SH3RF2: variants seen among roughly 807,000 people sequenced by gnomAD.
The protein encoded by SH3RF2 is SH3 domain containing ring finger 2.
Under a neutral mutation model 59.0 loss-of-function variants are expected in SH3RF2, and 43 were observed. The observed-to-expected ratio is 0.73, with a 90% confidence interval of 0.57 to 0.94. SH3RF2 has a LOEUF of 0.94. Among genes scored for constraint, SH3RF2 ranks in the 40% least tolerant of loss-of-function variants. SH3RF2 has a pLI of 0.00. For missense variants in SH3RF2, 930 were observed against 940.1 expected (o/e 0.99, Z 0.14); for synonymous variants, 391 against 391.5 (o/e 1.00, Z 0.01).
At chr5:146,049,631 T>G (rs1762424095) in intron 7 of SH3RF2, among the ~76,000 whole-genome samples, 1 of 152,026 alleles carries the variant, frequency 6.6e-6, no homozygotes, top group Admixed American at 6.6e-5. Context: ...TCTAGTGGCG[T>G]GATGGGAAAA....
At chr5:146,079,998 T>C (rs975514154) in exon 10 of SH3RF2, 1 of 152,228 alleles carries the variant, frequency 6.6e-6, no homozygotes, top group South Asian at 2.1e-4. Flanking sequence ...GAACTTTCCA[T>C]GAGGTATAGT....
intron 7 of SH3RF2, among the ~76,000 whole-genome samples, chr5:146,054,716 A>G (rs1309766803): frequency 1.3e-5 from 2 of 152,234 alleles, no homozygotes; most frequent in African/African-American, 4.8e-5. Context: ...TCTTCGTACA[A>G]TACTGGCTTG....
chr5:146,022,021 G>A (rs1006527852), intron 5 of SH3RF2, among the ~76,000 whole-genome samples: 13 of 152,160 alleles, frequency 8.5e-5, no homozygotes, highest in Admixed American at 3.3e-4. Flanking sequence ...TTGCTGGATT[G>A]CTCTTCAATC....
chr5:145,944,842 G>C (rs1043523205), intron 2 of SH3RF2, among the ~76,000 whole-genome samples: 1 of 152,148 alleles, frequency 6.6e-6, no homozygotes, highest in Non-Finnish European at 1.5e-5. Context: ...GAGTTCACAT[G>C]CTCAGTCATA....
chr5:146,046,767 C>T (rs1039275805), intron 5 of SH3RF2, among the ~76,000 whole-genome samples: 2 of 145,184 alleles, frequency 1.4e-5, no homozygotes, highest in Admixed American at 6.9e-5. Context: ...TTTACAGGAA[C>T]TTTTTTTTTT....
chr5:146,051,546 G>A (rs2150016645), intron 7 of SH3RF2, among the ~76,000 whole-genome samples: 1 of 152,278 alleles, frequency 6.6e-6, no homozygotes, highest in South Asian at 2.1e-4. Context: ...AAGATAAAAT[G>A]TCAGGTGTGA....
chr5:145,983,092 G>C (rs80156574), intron 2 of SH3RF2, among the ~76,000 whole-genome samples: 1,828 of 152,248 alleles, frequency 0.012, 38 homozygotes, highest in African/African-American at 0.041. Context: ...GTGTGAATTA[G>C]AGAGCTATGT....
At chr5:145,957,916 C>A (rs926572784) in intron 2 of SH3RF2, among the ~76,000 whole-genome samples, 6 of 152,056 alleles carry the variant, frequency 3.9e-5, no homozygotes, top group Non-Finnish European at 8.8e-5. Context: ...AGTTTGAGAC[C>A]AGCCTGGCCA....
At chr5:146,021,607 A>C (rs1034270369) in intron 5 of SH3RF2, among the ~76,000 whole-genome samples, 1 of 152,198 alleles carries the variant, frequency 6.6e-6, no homozygotes, top group African/African-American at 2.4e-5. Flanking sequence ...CCACTGGGTA[A>C]ATATAACCCC....
At chr5:145,939,144 T>C (rs1439806233) in intron 2 of SH3RF2, among the ~76,000 whole-genome samples, 1 of 152,192 alleles carries the variant, frequency 6.6e-6, no homozygotes, top group Non-Finnish European at 1.5e-5. Context: ...TAAGGGCACA[T>C]CTGGAAAGAA....
chr5:146,055,721 T>C, intron 7 of SH3RF2: 1 of 514,526 alleles, frequency 1.9e-6, no homozygotes, highest in South Asian at 2.5e-5. Context: ...GAAATTCAAG[T>C]CTTCTAGCTC....
chr5:145,983,791 A>G (rs1272975984), intron 2 of SH3RF2, among the ~76,000 whole-genome samples: 1 of 152,230 alleles, frequency 6.6e-6, no homozygotes, highest in Admixed American at 6.5e-5. Flanking sequence ...AAAAGTCTTC[A>G]ATAAGCGAGA....
chr5:145,999,973 G>A (rs1436275620), intron 2 of SH3RF2, 85 bp from the exon 3 acceptor site: 24 of 1,511,520 alleles, frequency 1.6e-5, no homozygotes, highest in Non-Finnish European at 2.0e-5. Context: ...TTAAAGCAAA[G>A]TACAATAAAA....
chr5:146,058,229 A>G (rs1242136247), intron 8 of SH3RF2, among the ~76,000 whole-genome samples: 1 of 152,112 alleles, frequency 6.6e-6, no homozygotes, highest in Non-Finnish European at 1.5e-5. Flanking sequence ...GCATAAAGCC[A>G]ATTTTTCACA....
chr5:146,008,856 G>A (rs1760758416), intron 4 of SH3RF2, among the ~76,000 whole-genome samples: 2 of 152,118 alleles, frequency 1.3e-5, no homozygotes, highest in Non-Finnish European at 2.9e-5. Flanking sequence ...TCTTTTTCCA[G>A]AATGTCATAT....
rs145099258 is a variant in SH3RF2 at position 146,037,936 on chromosome 5, T to C, written c.1060-9836T>C. Among the ~76,000 whole-genome samples, 599 of 152,292 alleles carry C rather than the reference T, an allele frequency of 3.9e-3. 3 individuals are homozygous for C. The highest frequency in any genetic ancestry group is 0.01 in the Middle Eastern group (3 of 294). On this transcript the variant is annotated intron_variant, in intron 5 of 9. Transcript: ENST00000359120. ...ACAGATGCAAAAATCCTCAAGTATA[T>C]GTTAGGAAAACAAACCCAGAAATGC...
intron 2 of SH3RF2, among the ~76,000 whole-genome samples, chr5:145,949,162 G>A (rs1021063550): frequency 1.2e-4 from 18 of 152,096 alleles, no homozygotes; most frequent in African/African-American, 1.4e-4. Context: ...GGAATGACAC[G>A]TAGGTGCTTG....
At chr5:146,049,343 A>G in intron 7 of SH3RF2, 98 bp downstream of exon 7, 1 of 1,391,414 alleles carries the variant, frequency 7.2e-7, no homozygotes, top group Non-Finnish European at 9.7e-7. Context: ...GCTCTTTCAG[A>G]AAACAGGCCA....
At chr5:146,023,679 C>T (rs963072011) in intron 5 of SH3RF2, among the ~76,000 whole-genome samples, 6 of 152,136 alleles carry the variant, frequency 3.9e-5, no homozygotes, top group African/African-American at 1.4e-4. Context: ...GTTGAGCATT[C>T]ATCACCATAG....
Sources: gnomAD v4.1 joint callset for allele counts (sites outside exome capture counted in the v4.1 genomes callset) on GRCh38, gnomAD v4.1.1 for gene constraint, MANE v1.5 for transcripts, NCBI Gene and HGNC (gene_info 2026-07-23, HGNC 2026-07-21) for gene names.